TCTN2: variants seen among roughly 807,000 people sequenced by gnomAD.
The protein encoded by TCTN2 is tectonic family member 2.
A neutral mutation model predicts 83.4 loss-of-function variants in TCTN2; 66 were observed. The observed-to-expected ratio is 0.79, with a 90% CI of 0.65 to 0.97. The LOEUF is 0.97. Among genes scored for constraint, TCTN2 ranks in the 50% least tolerant of loss-of-function variants. The pLI, the probability that TCTN2 is intolerant of heterozygous loss-of-function variation, is 0.00. For missense variants in TCTN2, 794 were observed against 858.1 expected (o/e 0.93, Z 0.93); for synonymous variants, 301 against 326.7 (o/e 0.92, Z 0.85).
At chr12:123,685,663 C>T (rs551274411) in intron 5 of TCTN2, among the ~76,000 whole-genome samples, 21 of 151,372 alleles carry the variant, frequency 1.4e-4, no homozygotes, top group East Asian at 2.0e-4. Flanking sequence ...AGGTGATCCG[C>T]GTGCCTCAGC....
chr12:123,686,698 T>G, intron 5 of TCTN2, 138 bp from the exon 6 acceptor site: 1 of 837,644 alleles, frequency 1.2e-6, no homozygotes, highest in East Asian at 2.6e-5. Flanking sequence ...CAAGGCACTT[T>G]TAGATGAGAC....
At chr12:123,699,637 T>C in intron 13 of TCTN2, 67 bp from the exon 14 acceptor site, 1 of 1,301,858 alleles carries the variant, frequency 7.7e-7, no homozygotes, top group Non-Finnish European at 1.1e-6. Context: ...ACCCGGACAT[T>C]CACTGGAAAT....
At chr12:123,678,037 G>A (rs945113270) in intron 4 of TCTN2, among the ~76,000 whole-genome samples, 2 of 152,224 alleles carry the variant, frequency 1.3e-5, no homozygotes, top group Non-Finnish European at 2.9e-5. Flanking sequence ...TCCCATGGCA[G>A]ATCCATTTCA....
At position 123,673,735 on chromosome 12, in the gene TCTN2, A is replaced by G. The variant is rs754451505; in HGVS notation, c.388A>G (p.Asn130Asp). 6.2e-7 allele frequency: 1 copy of G among 1,614,074 alleles called. No individual in the cohort carries two copies. Among genetic ancestry groups the G allele is most frequent in the African/African-American group, 1.3e-5 (1 of 74,910 alleles). The part of the protein sequence containing the change: ...LQTLLVSASH[N>D]SSCSAHLLIQ... ...GACCCTTCTGGTTTCAGCATCTCAT[A>G]ATTCATCCTGTTCAGCACATCTACT... Residue 130 changes from asparagine to aspartate, a missense_variant, in exon 4 of 18, where the codon AAT (asparagine) becomes GAT (aspartate). Physicochemically the swap from Asn to Asp is conservative, Grantham distance 23. Coordinates refer to ENST00000303372, the MANE Select transcript of TCTN2 (RefSeq NM_024809.5).
rs1317497007 is a variant in TCTN2, at chr12:123,706,793, A to G, written c.1837A>G (p.Ile613Val). The change falls in exon 16 of 18, where the codon ATC (isoleucine) becomes GTC (valine). Residue 613 changes from isoleucine (I) to valine (V), a missense_variant. Coordinates refer to ENST00000303372, the MANE Select transcript of TCTN2 (RefSeq NM_024809.5). ...TGAGCACAAGGCCGACCTTCTCCCTATCAGTGCATCCGTCCAGTTTATTAA... is the reference window on the plus strand; with the variant it reads ...TGAGCACAAGGCCGACCTTCTCCCTGTCAGTGCATCCGTCCAGTTTATTAA... ...TCEHKADLLP[I>V]SASVQFIKIP... 8 of 1,614,052 alleles carry G rather than the reference A, an allele frequency of 5.0e-6. No individual in the cohort carries two copies. The African/African-American group carries it at 6.7e-5, about 13-fold the overall frequency.
chr12:123,697,535 T>G (rs1360003511), intron 13 of TCTN2, among the ~76,000 whole-genome samples: 1 of 152,216 alleles, frequency 6.6e-6, no homozygotes, highest in Non-Finnish European at 1.5e-5. Context: ...AGTCTCACTT[T>G]GTCACCTAGG....
Position 123,679,305 on chromosome 12 carries a change from AT to A in TCTN2, c.564+18del. Reference sequence around the variant, plus strand: ...CTGTGACCAGGTATGTTCTTTGGTTATTGGGCACAAAAGTTATGCTACCTGT... The same window carrying A: ...CTGTGACCAGGTATGTTCTTTGGTTATGGGCACAAAAGTTATGCTACCTGT... On this transcript the variant is annotated intron_variant, in intron 5 of 17. Transcript: ENST00000303372. The A allele has an allele frequency of 6.2e-7, 1 of 1,609,330 alleles. No homozygotes were observed. Among genetic ancestry groups the A allele is most frequent in the African/African-American group, 1.3e-5 (1 of 74,904 alleles).
chr12:123,707,160 T>C, intron 17 of TCTN2, 87 bp downstream of exon 17: 1 of 1,105,404 alleles, frequency 9.0e-7, no homozygotes, highest in Non-Finnish European at 1.4e-6. Flanking sequence ...ACAGAAAGCA[T>C]AAAACATATA....
rs773130542 is a variant in TCTN2 at position 123,695,227 on chromosome 12, G to A, written c.1242G>A (p.Met414Ile). The A allele has an allele frequency of 6.4e-7, 1 of 1,563,098 alleles. No homozygotes were observed. Among genetic ancestry groups the A allele is most frequent in the Non-Finnish European group, 8.8e-7 (1 of 1,134,018 alleles). ...ATTTTGTTTTATTTCTAGGGATAAT[G>A]ACACAGAGATTTGTAGTAAAATTTT... Reference protein sequence around the residue: ...AEINAHQKGIMTQRFVVKFLS... With the variant: ...AEINAHQKGIITQRFVVKFLS... The change falls in exon 11 of 18, where the codon ATG (methionine) becomes ATA (isoleucine). Residue 414 changes from methionine (M) to isoleucine (I), a missense_variant. Transcript: ENST00000303372.
chr12:123,700,153 AG>A, intron 14 of TCTN2: 2 of 411,628 alleles, frequency 4.9e-6, no homozygotes, highest in Non-Finnish European at 9.1e-6. Context: ...CTGGAACCAC[AG>A]GTGTGCGCCA....
rs762326056 is a variant in TCTN2, at chr12:123,692,679, T to A, written c.1055T>A (p.Ile352Asn). ...TTAGGCATAGTTACACCAAAAGTGA[T>A]CTATGAGGAAGCAACTGACCTAGAC... ...ALGGIVTPKVIYEEATDLDKF... is the reference protein window; with the variant it reads ...ALGGIVTPKVNYEEATDLDKF... The change falls in exon 9 of 18, where the codon ATC becomes AAC. Residue 352 changes from isoleucine to asparagine, a missense_variant. Coordinates refer to ENST00000303372, the MANE Select transcript of TCTN2 (RefSeq NM_024809.5). 1.7e-5 allele frequency: 27 copies of A among 1,613,522 alleles called. No homozygotes were observed. The highest frequency in any genetic ancestry group is 1.6e-4 in the Middle Eastern group (1 of 6,070).
Position 123,672,064 on chromosome 12 carries a change from C to T in TCTN2, c.199C>T (p.Pro67Ser), listed in dbSNP as rs1013674241. ...AVLQDEAGIL[P>S]IPTCGVLNNE... ...TGGTCTTCTTTCTTTAGGAATATTG[C>T]CAATTCCGACGTGTGGAGTGCTGAA... The change falls in exon 3 of 18, where the codon CCA (proline) becomes TCA (serine). Residue 67 changes from proline (P) to serine (S), a missense_variant. Physicochemically the swap from Pro to Ser is moderately conservative, Grantham distance 74. Coordinates refer to ENST00000303372, the MANE Select transcript of TCTN2 (RefSeq NM_024809.5). The T allele has an allele frequency of 5.0e-6, 8 of 1,614,004 alleles. No homozygotes were observed. Among genetic ancestry groups the T allele is most frequent in the South Asian group, 1.1e-5 (1 of 91,074 alleles).
intron 5 of TCTN2, among the ~76,000 whole-genome samples, chr12:123,685,195 A>G (rs554625615): frequency 1.6e-4 from 24 of 152,234 alleles, no homozygotes; most frequent in African/African-American, 5.8e-4. Context: ...TGTGTGCTAC[A>G]GTACCAGCCC....
At chr12:123,688,319 G>A (rs1956001587) in intron 7 of TCTN2, 142 bp downstream of exon 7, 3 of 1,123,860 alleles carry the variant, frequency 2.7e-6, no homozygotes, top group Non-Finnish European at 2.5e-6. Context: ...GGGTTCAAGT[G>A]ATTCTCCTGC....
rs774237719 is a variant in TCTN2, at chr12:123,704,661, A to T, written c.1742A>T (p.Gln581Leu). Reference sequence around the variant, plus strand: ...GCTGGCGCGGTGGAAGGGATTACTCAGCAGGAGATACTCGGTGTAGAGACA... The same window carrying T: ...GCTGGCGCGGTGGAAGGGATTACTCTGCAGGAGATACTCGGTGTAGAGACA... ...SDAGAVEGIT[Q>L]QEILGVETRF... The change falls in exon 15 of 18, where the codon CAG (glutamine) becomes CTG (leucine). Residue 581 changes from glutamine to leucine, a missense_variant. Physicochemically the swap from Gln to Leu is moderately radical, Grantham distance 113 (BLOSUM62 -2). Coordinates refer to ENST00000303372, the MANE Select transcript of TCTN2 (RefSeq NM_024809.5). The T allele has an allele frequency of 6.2e-7, 1 of 1,613,526 alleles. No individual in the cohort carries two copies. Among genetic ancestry groups the T allele is most frequent in the South Asian group, 1.1e-5 (1 of 91,036 alleles).
At chr12:123,678,153 C>T (rs1319062181) in intron 4 of TCTN2, among the ~76,000 whole-genome samples, 1 of 152,222 alleles carries the variant, frequency 6.6e-6, no homozygotes, top group East Asian at 1.9e-4. Context: ...CCCTGCATAA[C>T]CCAGCCCCCC....
intron 15 of TCTN2, among the ~76,000 whole-genome samples, chr12:123,705,600 G>A (rs992508664): frequency 2.6e-5 from 4 of 152,082 alleles, no homozygotes; most frequent in Non-Finnish European, 5.9e-5. Context: ...GGATCTTTTT[G>A]TTTTCGTATC....
Position 123,699,745 on chromosome 12 carries a change from C to G in TCTN2, c.1547C>G (p.Thr516Ser), listed in dbSNP as rs371300158. The G allele has an allele frequency of 1.9e-6, 3 of 1,614,080 alleles. No homozygotes were observed. Among genetic ancestry groups the G allele is most frequent in the African/African-American group, 2.7e-5 (2 of 74,928 alleles). ...VERLDSLIQA[T>S]HVAMRGNSDY... Reference sequence around the variant, plus strand: ...AGACTTGATTCATTAATACAAGCGACTCACGTTGCAATGAGAGGCAACTCC... The same window carrying G: ...AGACTTGATTCATTAATACAAGCGAGTCACGTTGCAATGAGAGGCAACTCC... The change falls in exon 14 of 18, where the codon ACT becomes AGT. Residue 516 changes from threonine to serine, a missense_variant. Coordinates refer to ENST00000303372, the MANE Select transcript of TCTN2 (RefSeq NM_024809.5).
intron 14 of TCTN2, 108 bp from the exon 15 acceptor site, chr12:123,704,424 A>G: frequency 8.4e-7 from 1 of 1,188,002 alleles, no homozygotes; most frequent in Non-Finnish European, 1.2e-6. Flanking sequence ...CTAAAGCCTC[A>G]TTAATGTGAT....
Sources: gnomAD v4.1 joint callset for allele counts (sites outside exome capture counted in the v4.1 genomes callset) on GRCh38, gnomAD v4.1.1 for gene constraint, MANE v1.5 for transcripts, NCBI Gene and HGNC (gene_info 2026-07-23, HGNC 2026-07-21) for gene names.